The following TACC1 variants were observed in gnomAD, a reference collection of about 807,000 sequenced individuals.
TACC1 encodes transforming acidic coiled-coil containing protein 1, also known as transforming acidic coiled-coil-containing protein 1.
Under a neutral mutation model 84.4 loss-of-function variants are expected in TACC1, and 48 were observed. The ratio of observed to expected loss-of-function variants is 0.57; its 90% CI spans 0.45 to 0.72. The LOEUF (loss-of-function observed/expected upper bound fraction) is 0.72. Ranked by LOEUF, TACC1 falls within the 30% of genes least tolerant of loss-of-function variation. The pLI, the probability that TACC1 is intolerant of heterozygous loss-of-function variation, is 0.00. For missense variants in TACC1, 920 were observed against 973.0 expected, an observed-to-expected ratio of 0.95 and a Z score of 0.72; for synonymous variants, 372 against 376.3, an observed-to-expected ratio of 0.99 and a Z score of 0.13.
At chr8:38,757,291 C>G in intron 3 of TACC1, 1 of 1,248,728 alleles carries the variant, frequency 8.0e-7, no homozygotes, top group South Asian at 1.3e-5. Flanking sequence ...CCGCCCGCCG[C>G]CCAGCACAGG....
At chr8:38,794,981 A>G (rs1416941975) in intron 2 of TACC1, among the ~76,000 whole-genome samples, 1 of 152,192 alleles carries the variant, frequency 6.6e-6, no homozygotes, top group Non-Finnish European at 1.5e-5. Context: ...ATGTTAAGGT[A>G]TTTAAAGCTT....
chr8:38,844,332 C>T (rs1420352531), intron 11 of TACC1, among the ~76,000 whole-genome samples: 1 of 151,934 alleles, frequency 6.6e-6, no homozygotes, highest in Non-Finnish European at 1.5e-5. Context: ...GCCACCACAC[C>T]CGGCTAATTT....
Position 38,730,169 on chromosome 8 carries a change from C to G in TACC1, c.-675+1498C>G, listed in dbSNP as rs541114832. On this transcript the variant is annotated intron_variant, in intron 1 of 14. Transcript: ENST00000518415. Reference sequence around the variant, plus strand: ...ATTGACGGAGGGATTTCTAGCTTGCCCCTGTCTAGGCTCTTACTCCGTCCT... The same window carrying G: ...ATTGACGGAGGGATTTCTAGCTTGCGCCTGTCTAGGCTCTTACTCCGTCCT... 9.2e-5 allele frequency among the ~76,000 whole-genome samples: 14 copies of G among 152,338 alleles called. No homozygotes were observed. In the South Asian group the frequency reaches 2.9e-3, roughly 32 times the overall value.
chr8:38,834,038 G>T, intron 6 of TACC1, among the ~76,000 whole-genome samples: 1 of 152,234 alleles, frequency 6.6e-6, no homozygotes, highest in East Asian at 1.9e-4. Context: ...TCAGCTATCT[G>T]CTGCTGTGTA....
rs763414473 is a variant in TACC1, at chr8:38,772,200, C to G, written c.27-16504C>G. The stretch of plus-strand genomic sequence containing the variant: ...CCATTTGACAGTTTTAAAAGATTGA[C>G]CGAACTCAGTATTGATTAAGGTTTA... On this transcript the variant is annotated intron_variant, in intron 3 of 14. Coordinates refer to the TACC1 transcript ENST00000518415. Among the ~76,000 whole-genome samples the G allele has an allele frequency of 6.2e-4, 94 of 152,180 alleles. 1 individual carries two copies. The highest frequency in any genetic ancestry group is 3.9e-4 in the Admixed American group (6 of 15,288).
chr8:38,749,206 T>C (rs912580386), intron 3 of TACC1, among the ~76,000 whole-genome samples: 2 of 152,182 alleles, frequency 1.3e-5, no homozygotes. Context: ...AATACATAAA[T>C]TATAAATCTA....
In TACC1 at chr8:38,755,707, AAACAACAACAAC is replaced by A. The variant is rs71216684; in HGVS notation, c.26+10249_26+10260del. ...CAACAGAAAGAGACACGGTCTTTCA[AAACAACAACAAC>A]AACAACAACAACAACAACAACAACA... On this transcript the variant is annotated intron_variant, in intron 3 of 14. Coordinates refer to the TACC1 transcript ENST00000518415. Among the ~76,000 whole-genome samples the A allele has an allele frequency of 2.6e-3, 368 of 140,920 alleles. 3 individuals carry two copies. The highest frequency in any genetic ancestry group is 6.6e-3 in the Admixed American group (94 of 14,306). The allele number at this position is 140,920 out of a possible 152,430, so 92.4% of individuals were successfully genotyped here. A position where few individuals can be genotyped will look rare whatever the true frequency, so the allele number is the denominator to read the frequency against.
intron 2 of TACC1, among the ~76,000 whole-genome samples, chr8:38,813,342 A>G (rs1824675742): frequency 6.6e-6 from 1 of 152,212 alleles, no homozygotes; most frequent in South Asian, 2.1e-4. Context: ...TGAATTTAAC[A>G]TATGGTTTAG....
chr8:38,846,439 TA>T (rs201097284), intron 11 of TACC1: 64,610 of 247,476 alleles, frequency 0.26, 3,407 homozygotes, highest in Non-Finnish European at 0.32. Context: ...TGTACTGGTC[TA>T]AAAAAAAAAA....
chr8:38,846,937 C>T (rs756151980), intron 12 of TACC1, 118 bp downstream of exon 12: 2 of 1,225,816 alleles, frequency 1.6e-6, no homozygotes, highest in Non-Finnish European at 1.1e-6. Flanking sequence ...TCAGACATTT[C>T]AGTCCAGCTC....
chr8:38,806,676 T>C (rs944077878), intron 2 of TACC1, among the ~76,000 whole-genome samples: 1 of 152,148 alleles, frequency 6.6e-6, no homozygotes, highest in Non-Finnish European at 1.5e-5. Context: ...ATTCTAGGCC[T>C]GTTTCTTACT....
chr8:38,832,921 G>A (rs1331148771), intron 6 of TACC1, among the ~76,000 whole-genome samples: 1 of 152,160 alleles, frequency 6.6e-6, no homozygotes, highest in Non-Finnish European at 1.5e-5. Context: ...ATTTGCAACC[G>A]GGAGTCCATT....
chr8:38,755,876 G>A (rs545000693), intron 3 of TACC1, among the ~76,000 whole-genome samples: 18 of 151,684 alleles, frequency 1.2e-4, no homozygotes, highest in African/African-American at 4.1e-4. Context: ...GTGCAGTGGC[G>A]CGATCTCGGC....
chr8:38,751,055 A>C (rs761243717), intron 3 of TACC1, among the ~76,000 whole-genome samples: 2 of 152,226 alleles, frequency 1.3e-5, no homozygotes, highest in Non-Finnish European at 2.9e-5. Context: ...CTCTGAAGGA[A>C]TGAACCAATT....
chr8:38,768,022 T>G (rs763637230), intron 3 of TACC1, among the ~76,000 whole-genome samples: 2 of 150,482 alleles, frequency 1.3e-5, no homozygotes, highest in Non-Finnish European at 2.9e-5. Context: ...GAGATGAGAT[T>G]GTGCCACTGC....
At chr8:38,771,209 T>C (rs1170387137) in intron 3 of TACC1, among the ~76,000 whole-genome samples, 1 of 152,132 alleles carries the variant, frequency 6.6e-6, no homozygotes, top group East Asian at 1.9e-4. Flanking sequence ...TAGTCAGGCC[T>C]GAGTCACTTG....
upstream of TACC1, chr8:38,785,748 C>T (rs1024084526): frequency 1.2e-5 from 12 of 983,934 alleles, no homozygotes; most frequent in Non-Finnish European, 1.4e-5. Flanking sequence ...TAAGCATAAA[C>T]CTAAAACTAC....
intron 3 of TACC1, among the ~76,000 whole-genome samples, chr8:38,756,059 C>T (rs1172952968): frequency 6.6e-6 from 1 of 151,962 alleles, no homozygotes; most frequent in Non-Finnish European, 1.5e-5. Flanking sequence ...AGGTAATCCA[C>T]CCCCTAGGCC....
chr8:38,759,316 C>A (rs1314212116), intron 3 of TACC1, among the ~76,000 whole-genome samples: 1 of 152,158 alleles, frequency 6.6e-6, no homozygotes, highest in African/African-American at 2.4e-5. Context: ...TATAGTTTAT[C>A]TCTGAGCAAT....
Sources: gnomAD v4.1 joint callset for allele counts (sites outside exome capture counted in the v4.1 genomes callset) on GRCh38, gnomAD v4.1.1 for gene constraint, MANE v1.5 for transcripts, NCBI Gene and HGNC (gene_info 2026-07-23, HGNC 2026-07-21) for gene names.